BCL2L13: variants seen among roughly 807,000 people sequenced by gnomAD.
BCL2L13 encodes the protein bcl-2-like protein 13.
In BCL2L13, 13 loss-of-function variants were observed where a neutral mutation model predicts 25.8. The ratio of observed to expected loss-of-function variants is 0.50; its 90% CI spans 0.33 to 0.80. The LOEUF (loss-of-function observed/expected upper bound fraction) is 0.80, where lower values mean the gene tolerates loss of function less well. BCL2L13 is among the 30% of genes least tolerant of loss of function. BCL2L13 has a pLI of 0.02. For missense variants in BCL2L13, 504 were observed against 574.9 expected, an observed-to-expected ratio of 0.88 and a Z score of 1.26; for synonymous variants, 244 against 230.3, an observed-to-expected ratio of 1.06 and a Z score of -0.54.
Position 17,638,791 on chromosome 22 carries a change from C to T in BCL2L13, c.-146C>T, listed in dbSNP as rs572777315. 3.1e-4 allele frequency: 382 copies of T among 1,231,742 alleles called. No homozygotes were observed. Among genetic ancestry groups the T allele is most frequent in the Admixed American group, 1.1e-3 (26 of 23,718 alleles). 76.3% of individuals were successfully genotyped at this position (1,231,742 alleles called of 1,614,324 possible). On this transcript the variant is annotated 5_prime_UTR_variant, in exon 1 of 7. Coordinates refer to ENST00000317582, the MANE Select transcript of BCL2L13 (RefSeq NM_015367.4). ...CATGGCGGCGGCGGTAGATTAGGGC[C>T]GCGGGTCGGAGCACTCACCGCCGCT...
intron 2 of BCL2L13, among the ~76,000 whole-genome samples, chr22:17,666,284 C>T (rs2059231238): frequency 6.6e-6 from 1 of 151,530 alleles, no homozygotes; most frequent in Non-Finnish European, 1.5e-5. Flanking sequence ...TGTTTTAATA[C>T]AGGCATGCAA....
chr22:17,657,368 TACTTA>T (rs3044587), intron 2 of BCL2L13, among the ~76,000 whole-genome samples: 69,673 of 151,488 alleles, frequency 0.46, 16,834 homozygotes, highest in East Asian at 0.8. Context: ...TCATCTTCTC[TACTTA>T]ACTCTACTTT....
intron 5 of BCL2L13, among the ~76,000 whole-genome samples, chr22:17,699,895 G>T (rs578126257): frequency 4.0e-4 from 61 of 152,152 alleles, no homozygotes; most frequent in African/African-American, 1.4e-3. Context: ...ATCCTCTTAG[G>T]ATTTAGCTGC....
At chr22:17,634,208 C>T (rs777064421), upstream of BCL2L13, among the ~76,000 whole-genome samples, 18 of 151,942 alleles carry the variant, frequency 1.2e-4, no homozygotes, top group African/African-American at 3.9e-4. Context: ...TTTTTTGAGA[C>T]GGAGTCTCAC....
At position 17,727,721 on chromosome 22, in the gene BCL2L13, G is replaced by A. The variant is rs1370888400; in HGVS notation, c.*187G>A. On this transcript the variant is annotated 3_prime_UTR_variant, in exon 7 of 7. Transcript: ENST00000317582. ...GTGGGGCATTCACATTCATCTGACT[G>A]TAAATCCCAAGGGCCTCCGCTCATG... The A allele has an allele frequency of 9.3e-6, 7 of 755,850 alleles. 1 individual carries two copies. Among genetic ancestry groups the A allele is most frequent in the African/African-American group, 5.3e-5 (3 of 56,702 alleles). 46.8% of individuals were successfully genotyped at this position (755,850 alleles called of 1,614,324 possible).
intron 6 of BCL2L13, among the ~76,000 whole-genome samples, chr22:17,722,178 A>G (rs1225784006): frequency 1.3e-5 from 2 of 152,084 alleles, no homozygotes; most frequent in African/African-American, 2.4e-5. Context: ...AAATCATGTG[A>G]CCTTATATAT....
chr22:17,676,621 A>G (rs187569196), intron 2 of BCL2L13, among the ~76,000 whole-genome samples: 2 of 152,180 alleles, frequency 1.3e-5, no homozygotes, highest in African/African-American at 4.8e-5. Flanking sequence ...AAGAAATAGC[A>G]TGGGCCGTGA....
intron 2 of BCL2L13, among the ~76,000 whole-genome samples, chr22:17,660,818 C>T (rs551692918): frequency 6.8e-6 from 1 of 146,152 alleles, no homozygotes; most frequent in African/African-American, 2.4e-5. Flanking sequence ...GAGACAGTCT[C>T]GCTCTCGTCA....
At chr22:17,683,703 G>A (rs2059822081) in intron 3 of BCL2L13, among the ~76,000 whole-genome samples, 1 of 151,418 alleles carries the variant, frequency 6.6e-6, no homozygotes, top group Admixed American at 6.6e-5. Flanking sequence ...ATATACTATA[G>A]ATAACTGTAA....
intron 6 of BCL2L13, chr22:17,706,836 T>A (rs1403010769): frequency 2.2e-6 from 3 of 1,351,908 alleles, no homozygotes; most frequent in Non-Finnish European, 2.9e-6. Context: ...GTAAGGCTTG[T>A]ATTTTACTTT....
chr22:17,700,028 GA>G (rs933370213), intron 5 of BCL2L13, among the ~76,000 whole-genome samples: 9 of 151,972 alleles, frequency 5.9e-5, no homozygotes, highest in African/African-American at 2.2e-4. Context: ...GGAATGAAGG[GA>G]AAAAAACGAA....
chr22:17,677,507 G>A (rs980209565), intron 2 of BCL2L13, among the ~76,000 whole-genome samples: 2 of 152,064 alleles, frequency 1.3e-5, no homozygotes, highest in Non-Finnish European at 2.9e-5. Context: ...CAAGGTGGGC[G>A]GCCTGCTTGA....
intron 1 of BCL2L13, among the ~76,000 whole-genome samples, chr22:17,630,683 C>T (rs941069496): frequency 2.0e-5 from 3 of 151,134 alleles, no homozygotes; most frequent in Admixed American, 6.6e-5. Flanking sequence ...CTCCGCCTCC[C>T]GGGTTCAATT....
At chr22:17,635,692 A>G (rs1336484039), upstream of BCL2L13, among the ~76,000 whole-genome samples, 1 of 152,004 alleles carries the variant, frequency 6.6e-6, no homozygotes, top group Non-Finnish European at 1.5e-5. Context: ...CCTGGGGAAC[A>G]TACCCATTTC....
chr22:17,675,126 T>C lies in BCL2L13; in HGVS notation c.122-8088T>C, dbSNP rs549272549. On this transcript the variant is annotated intron_variant, in intron 2 of 6. Transcript: ENST00000317582. ...CTATAAAACAGAGGGTATATTTAGT[T>C]CCAGGAATCTTTTACCCCTATAATT... Among the ~76,000 whole-genome samples the C allele has an allele frequency of 3.9e-5, 6 of 152,284 alleles. No individual in the cohort carries two copies. In the South Asian group the frequency reaches 8.3e-4, roughly 21 times the overall value.
intron 1 of BCL2L13, among the ~76,000 whole-genome samples, chr22:17,641,570 C>T (rs1337794470): frequency 7.2e-5 from 11 of 151,988 alleles, no homozygotes; most frequent in Non-Finnish European, 1.6e-4. Flanking sequence ...ATTAACGTAC[C>T]ATACAACTCA....
At chr22:17,643,802 A>G (rs1185391206) in intron 1 of BCL2L13, among the ~76,000 whole-genome samples, 1 of 151,238 alleles carries the variant, frequency 6.6e-6, no homozygotes, top group Admixed American at 6.6e-5. Flanking sequence ...TTTAGTAGAG[A>G]TGGGGTTTCA....
chr22:17,727,306 T>A lies in BCL2L13; in HGVS notation c.1230T>A (p.Ser410Arg), dbSNP rs1174611410. ...TGGAACCCACAGAAACGCTGCTGAG[T>A]GAGAAGGAGATAAACGCAAGGGAAG... is the stretch of plus-strand genomic sequence containing the variant. ...PALEPTETLLSEKEINAREES... is the reference protein window; with the variant it reads ...PALEPTETLLREKEINAREES... The change falls in exon 7 of 7, where the codon AGT becomes AGA. Residue 410 changes from serine to arginine, a missense_variant. Transcript: ENST00000317582. 1.9e-6 allele frequency: 3 copies of A among 1,613,782 alleles called. No homozygotes were observed.
At chr22:17,653,703 T>G (rs2058759613) in intron 1 of BCL2L13, among the ~76,000 whole-genome samples, 1 of 151,926 alleles carries the variant, frequency 6.6e-6, no homozygotes, top group African/African-American at 2.4e-5. Flanking sequence ...AGGGTCTCAC[T>G]GTGTTGTCCA....
Sources: allele counts gnomAD v4.1 joint callset (sites outside exome capture counted in the v4.1 genomes callset), GRCh38; gene constraint gnomAD v4.1.1; transcripts MANE v1.5; gene names NCBI Gene and HGNC (gene_info 2026-07-23, HGNC 2026-07-21).